Variants in ETV6 observed in about 807,000 individuals in gnomAD.
The protein encoded by ETV6 is transcription factor ETV6.
A neutral mutation model predicts 51.1 loss-of-function variants in ETV6; 16 were observed. The ratio of observed to expected loss-of-function variants is 0.31; its 90% CI spans 0.21 to 0.48. The LOEUF (loss-of-function observed/expected upper bound fraction) is 0.48. ETV6 is among the 20% of genes least tolerant of loss of function. The pLI is 0.99. For synonymous variants in ETV6, 240 were observed against 224.1 expected, an observed-to-expected ratio of 1.07 and a Z score of -0.64; for missense variants, 458 against 594.8, an observed-to-expected ratio of 0.77 and a Z score of 2.39.
intron 2 of ETV6, among the ~76,000 whole-genome samples, chr12:11,788,832 T>TC (rs1454284023): frequency 6.6e-6 from 1 of 151,482 alleles, no homozygotes; most frequent in African/African-American, 2.4e-5. Flanking sequence ...TGTCCTTTCT[T>TC]CCCCCTACCC....
At chr12:11,777,739 T>C (rs1434432956) in intron 2 of ETV6, among the ~76,000 whole-genome samples, 1 of 152,016 alleles carries the variant, frequency 6.6e-6, no homozygotes, top group Non-Finnish European at 1.5e-5. Flanking sequence ...TTCCAAACCC[T>C]TCCCCCTGAC....
intron 2 of ETV6, among the ~76,000 whole-genome samples, chr12:11,807,229 A>G (rs575783782): frequency 1.8e-4 from 28 of 152,376 alleles, no homozygotes; most frequent in Admixed American, 6.5e-4. Flanking sequence ...AAATTGTAGC[A>G]GAAGCAGGCG....
chr12:11,796,872 C>T (rs558488263), intron 2 of ETV6, among the ~76,000 whole-genome samples: 3 of 151,912 alleles, frequency 2.0e-5, no homozygotes, highest in East Asian at 1.9e-4. Context: ...CTGCAGCCTC[C>T]ACCTCCTGGG....
intron 1 of ETV6, among the ~76,000 whole-genome samples, chr12:11,655,072 G>C (rs1463687736): frequency 1.3e-5 from 2 of 152,166 alleles, no homozygotes; most frequent in Non-Finnish European, 2.9e-5. Flanking sequence ...AAAGAGCTGG[G>C]GGCAAGGTGG....
chr12:11,816,943 C>T (rs1385456535), intron 2 of ETV6, among the ~76,000 whole-genome samples: 2 of 152,188 alleles, frequency 1.3e-5, no homozygotes, highest in East Asian at 1.9e-4. Context: ...CAGTCCCAAG[C>T]CAGGGATAGC....
intron 3 of ETV6, among the ~76,000 whole-genome samples, chr12:11,845,682 C>G (rs976839036): frequency 2.0e-5 from 3 of 152,216 alleles, no homozygotes; most frequent in Middle Eastern, 3.4e-3. Context: ...CAAAAATGCA[C>G]TGAATGGAAT....
Position 11,712,897 on chromosome 12 carries a change from C to T in ETV6, c.34-39553C>T, listed in dbSNP as rs898196544. On this transcript the variant is annotated intron_variant, in intron 1 of 7. Transcript: ENST00000396373. ...AATGGTCAGGAGCTGCAGGCGTGCA[C>T]GGAGGAGGCCACTGTTCTTCATGCT... is the stretch of plus-strand genomic sequence containing the variant. Among the ~76,000 whole-genome samples the T allele has an allele frequency of 2.0e-5, 3 of 152,172 alleles. 1 individual carries two copies. In the South Asian group the frequency reaches 6.2e-4, roughly 32 times the overall value.
intron 1 of ETV6, among the ~76,000 whole-genome samples, chr12:11,718,375 C>T (rs555671531): frequency 1.3e-5 from 2 of 152,224 alleles, no homozygotes; most frequent in African/African-American, 4.8e-5. Flanking sequence ...GCAGGACTGG[C>T]TAGGTAACTA....
In ETV6 at chr12:11,869,241, GA is replaced by G. The variant is rs11302289; in HGVS notation, c.464-169del. 0.071 allele frequency among the ~76,000 whole-genome samples: 9,918 copies of G among 140,192 alleles called. 363 individuals are homozygous for G. Among genetic ancestry groups the G allele is most frequent in the African/African-American group, 0.11 (4,257 of 37,548 alleles). 92.0% of individuals were successfully genotyped at this position (140,192 alleles called of 152,430 possible). ...ACAGAGTGAGACTCCATCTCAAACA[GA>G]AAAAAAAAAAAAATATGCACCCTTC... On this transcript the variant is annotated intron_variant, in intron 4 of 7. Transcript: ENST00000396373. The surrounding 1 kb of genome is among the most constrained non-coding windows in gnomAD (Gnocchi z 5.0).
In ETV6 at chr12:11,894,466, A is replaced by G. The variant is rs1052723063; in HGVS notation, c.*3420A>G. 8.6e-6 allele frequency: 2 copies of G among 233,166 alleles called. No homozygotes were observed. The highest frequency in any genetic ancestry group is 8.5e-6 in the Non-Finnish European group (1 of 118,034). The allele number at this position is 233,166 out of a possible 1,614,324, so 14.4% of individuals were successfully genotyped here. A position where few individuals can be genotyped will look rare whatever the true frequency, so the allele number is the denominator to read the frequency against. On this transcript the variant is annotated 3_prime_UTR_variant, in exon 8 of 8. Transcript: ENST00000396373. ...GGTTTTGCTTAAGGTGGCATCACCA[A>G]TGTTCCAAATCCTTTAGGGAGATGA...
intron 2 of ETV6, among the ~76,000 whole-genome samples, chr12:11,775,859 AAT>A (rs1945316296): frequency 6.6e-6 from 1 of 152,226 alleles, no homozygotes; most frequent in African/African-American, 2.4e-5. Context: ...CATACACGTC[AAT>A]ATGTTATTGA....
At chr12:11,852,600 C>T (rs1476881399) in intron 3 of ETV6, among the ~76,000 whole-genome samples, 1 of 152,104 alleles carries the variant, frequency 6.6e-6, no homozygotes, top group African/African-American at 2.4e-5. Flanking sequence ...CATAATTCTT[C>T]GAGTAATCTG....
At chr12:11,702,579 A>G (rs1291004186) in intron 1 of ETV6, among the ~76,000 whole-genome samples, 1 of 125,040 alleles carries the variant, frequency 8.0e-6, no homozygotes, top group African/African-American at 3.0e-5. Context: ...CCCCACCCCC[A>G]TGGCCCTTCC....
chr12:11,822,420 C>G (rs188876661), intron 2 of ETV6, among the ~76,000 whole-genome samples: 63 of 152,354 alleles, frequency 4.1e-4, no homozygotes, highest in Admixed American at 3.9e-3. Flanking sequence ...CCCGCACACT[C>G]TCTCTACCTT....
intron 2 of ETV6, chr12:11,768,827 G>C (rs773323323): frequency 7.6e-5 from 33 of 434,614 alleles, no homozygotes; most frequent in Non-Finnish European, 1.2e-4. Context: ...TATTAGGACA[G>C]AAATCTGCCT....
intron 1 of ETV6, among the ~76,000 whole-genome samples, chr12:11,714,590 C>A (rs1359143770): frequency 7.3e-6 from 1 of 137,168 alleles, no homozygotes; most frequent in Non-Finnish European, 1.5e-5. Flanking sequence ...ACGGAAAAAG[C>A]ACAACTTATA....
chr12:11,882,764 T>TC (rs34395016), intron 5 of ETV6, among the ~76,000 whole-genome samples: 71,337 of 152,010 alleles, frequency 0.47, 17,822 homozygotes, highest in South Asian at 0.6. Flanking sequence ...CCAACTGAAT[T>TC]CCCCTTGTAA....
At chr12:11,745,401 A>G (rs372227757) in intron 1 of ETV6, among the ~76,000 whole-genome samples, 2 of 152,210 alleles carry the variant, frequency 1.3e-5, no homozygotes, top group African/African-American at 4.8e-5. Context: ...CTTCTAGTGC[A>G]TCGGTATCTG....
intron 2 of ETV6, among the ~76,000 whole-genome samples, chr12:11,827,928 G>C (rs1012481962): frequency 2.0e-5 from 3 of 152,190 alleles, no homozygotes; most frequent in African/African-American, 7.2e-5. Flanking sequence ...AAATCCTGCA[G>C]GATCTTTATG....
Sources: allele counts gnomAD v4.1 joint callset (sites outside exome capture counted in the v4.1 genomes callset), GRCh38; gene constraint gnomAD v4.1.1; non-coding constraint Gnocchi (gnomAD v3.1); transcripts MANE v1.5; gene names NCBI Gene and HGNC (gene_info 2026-07-23, HGNC 2026-07-21).